Variants in CATSPER1 observed in about 807,000 individuals in gnomAD.
CATSPER1 encodes cation channel sperm-associated protein 1.
Under a neutral mutation model 72.7 loss-of-function variants are expected in CATSPER1, and 57 were observed. The observed-to-expected ratio is 0.78, with a 90% CI of 0.63 to 0.98. The LOEUF (loss-of-function observed/expected upper bound fraction) is 0.98. Among genes scored for constraint, CATSPER1 ranks in the 50% least tolerant of loss-of-function variants. The pLI is 0.00. For missense variants in CATSPER1, 910 were observed against 1,033.9 expected (o/e 0.88, Z 1.64); for synonymous variants, 363 against 403.0 (o/e 0.90, Z 1.19).
intron 1 of CATSPER1, among the ~76,000 whole-genome samples, chr11:66,024,710 C>A (rs1856456822): frequency 6.6e-6 from 1 of 152,186 alleles, no homozygotes; most frequent in Non-Finnish European, 1.5e-5. Context: ...TCAAGCAGCT[C>A]ACAGGTGAGT....
chr11:66,021,912 C>T, intron 2 of CATSPER1, 33 bp from the exon 3 acceptor site: 1 of 1,503,332 alleles, frequency 6.7e-7, no homozygotes, highest in Non-Finnish European at 9.3e-7. Context: ...TCAGAGCTGT[C>T]CCCAGCACCC....
rs753917503 is a variant in CATSPER1 at position 66,021,193 on chromosome 11, CAGA to C, written c.1692-11_1692-9del. 3 of 1,611,234 alleles carry C rather than the reference CAGA, an allele frequency of 1.9e-6. No homozygotes were observed. In the Admixed American group the frequency reaches 5.0e-5, roughly 27 times the overall value. ...TGGACGCTGGTCAGGAAGCTGTGGG[CAGA>C]AGGAGTGGGGACTGAGTCATCGGTG... On this transcript the variant is annotated splice_polypyrimidine_tract_variant and intron_variant, in intron 4 of 11. Transcript: ENST00000312106.
intron 2 of CATSPER1, 23 bp from the exon 3 acceptor site, chr11:66,021,902 T>C: frequency 6.4e-7 from 1 of 1,560,152 alleles, no homozygotes; most frequent in Non-Finnish European, 8.8e-7. Context: ...AGGGGTGCAC[T>C]CAGAGCTGTC....
At chr11:66,024,528 C>T (rs1025611550) in intron 1 of CATSPER1, among the ~76,000 whole-genome samples, 2 of 152,218 alleles carry the variant, frequency 1.3e-5, no homozygotes, top group African/African-American at 2.4e-5. Context: ...GATCCACCCA[C>T]CTCGGCCTCC....
In CATSPER1 at chr11:66,021,080, C is replaced by A. The variant is rs1298846634; in HGVS notation, c.1783+14G>T. 1 of 1,609,440 alleles carries A rather than the reference C, an allele frequency of 6.2e-7. No homozygotes were observed. The highest frequency in any genetic ancestry group is 1.3e-5 in the African/African-American group (1 of 74,884). The stretch of plus-strand genomic sequence containing the variant: ...CCTCAGGCCCCCACCCCAGCCCCTG[C>A]AGCACCAGGATACAGAGGCAGGTAA... On this transcript the variant is annotated intron_variant, in intron 5 of 11. Transcript: ENST00000312106.
rs777461773 is a variant in CATSPER1 at position 66,021,734 on chromosome 11, AAC to A, written c.1543+30_1543+31del. On this transcript the variant is annotated intron_variant, in intron 3 of 11. Coordinates refer to ENST00000312106, the MANE Select transcript of CATSPER1 (RefSeq NM_053054.4). ...CTCGTCCCGAGCCTCCCCCAGACTA[AAC>A]ACACGCAGCCTGGCCCCGGCCGCAC... 1.9e-6 allele frequency: 3 copies of A among 1,612,712 alleles called. No homozygotes were observed. The South Asian group carries it at 3.3e-5, about 18-fold the overall frequency.
intron 1 of CATSPER1, among the ~76,000 whole-genome samples, chr11:66,023,373 A>C (rs1013408399): frequency 2.0e-5 from 3 of 151,484 alleles, no homozygotes; most frequent in African/African-American, 4.8e-5. Flanking sequence ...CAAGGCCATG[A>C]AGTACCACTC....
At chr11:66,017,489 C>A (rs1856262411) in intron 10 of CATSPER1, among the ~76,000 whole-genome samples, 1 of 151,704 alleles carries the variant, frequency 6.6e-6, no homozygotes, top group Non-Finnish European at 1.5e-5. Context: ...CCTCCTTATC[C>A]AGTCACTCAC....
intron 2 of CATSPER1, 39 bp downstream of exon 2, chr11:66,022,810 G>A (rs764618533): frequency 3.7e-6 from 6 of 1,601,152 alleles, no homozygotes; most frequent in African/African-American, 1.3e-5. Context: ...GAAGAGCATC[G>A]GTGGCTTCTC....
Position 66,021,716 on chromosome 11 carries a change from C to T in CATSPER1, c.1543+50G>A, listed in dbSNP as rs201337851. ...CCCCTTCCCCATCCTTCTCTCGTCC[C>T]GAGCCTCCCCCAGACTAAACACACG... On this transcript the variant is annotated intron_variant, in intron 3 of 11. Transcript: ENST00000312106. 81 of 1,613,030 alleles carry T rather than the reference C, an allele frequency of 5.0e-5. No individual in the cohort carries two copies. The East Asian group carries it at 1.7e-3, about 33-fold the overall frequency.
chr11:66,016,772 G>A lies in CATSPER1; in HGVS notation c.*118C>T. 2.5e-6 allele frequency: 3 copies of A among 1,222,376 alleles called. No homozygotes were observed. Among genetic ancestry groups the A allele is most frequent in the Non-Finnish European group, 2.3e-6 (2 of 869,896 alleles). 75.7% of individuals were successfully genotyped at this position (1,222,376 alleles called of 1,614,324 possible). ...CCTCCTGGGGTTTAAAAACTCTGTT[G>A]GGGCCCCTGCTCTGCAGGGCCCGGA... On this transcript the variant is annotated 3_prime_UTR_variant, in exon 12 of 12. Coordinates refer to ENST00000312106, the MANE Select transcript of CATSPER1 (RefSeq NM_053054.4).
Position 66,020,292 on chromosome 11 carries a change from C to T in CATSPER1, c.2064+25G>A. The T allele has an allele frequency of 6.2e-7, 1 of 1,614,088 alleles. No homozygotes were observed. Among genetic ancestry groups the T allele is most frequent in the Non-Finnish European group, 8.5e-7 (1 of 1,179,940 alleles). Reference sequence around the variant, plus strand: ...CACTCCTCCAGCTTCCTGATCTGGTCCACCTGTCCCACCCCACTCGGTACC... The same window carrying T: ...CACTCCTCCAGCTTCCTGATCTGGTTCACCTGTCCCACCCCACTCGGTACC... On this transcript the variant is annotated intron_variant, in intron 8 of 11. Coordinates refer to ENST00000312106, the MANE Select transcript of CATSPER1 (RefSeq NM_053054.4). This position sits in a 1 kb window ranked among gnomAD's most constrained non-coding sequence, Gnocchi z 4.5.
intron 10 of CATSPER1, among the ~76,000 whole-genome samples, chr11:66,018,277 C>T (rs1856281720): frequency 6.6e-6 from 1 of 151,996 alleles, no homozygotes; most frequent in Non-Finnish European, 1.5e-5. Context: ...TTGGGCAGGG[C>T]TCCTGGTGCT....
chr11:66,025,268 CG>C lies in CATSPER1; in HGVS notation c.1111del (p.Arg371AlafsTer59). The C allele has an allele frequency of 6.2e-7, 1 of 1,614,082 alleles. No individual in the cohort carries two copies. Among genetic ancestry groups the C allele is most frequent in the Non-Finnish European group, 8.5e-7 (1 of 1,180,002 alleles). On this transcript the variant is annotated frameshift_variant, in exon 1 of 12. Transcript: ENST00000312106. LOFTEE classifies it high-confidence loss of function. ...HSMTRSSSTI[R>X]SRVTQMSKKV... ...TTTGGACATCTGGGTGACACGTGAG[CG>C]GATTGTGCTGGAGGACCGAGTCATG...
intron 1 of CATSPER1, 53 bp from the exon 2 acceptor site, chr11:66,023,114 C>A: frequency 6.6e-7 from 1 of 1,507,908 alleles, no homozygotes; most frequent in South Asian, 1.1e-5. Flanking sequence ...GACACGAGGT[C>A]CCAGGCACCC....
chr11:66,025,620 C>A lies in CATSPER1; in HGVS notation c.760G>T (p.Gly254Trp), dbSNP rs1220263404. The change falls in exon 1 of 12, where the codon GGG becomes TGG. Residue 254 changes from glycine to tryptophan, a missense_variant. Physicochemically the swap from Gly to Trp is radical, Grantham distance 184. Transcript: ENST00000312106. ...TCAGATATCCCACGCTGGTAGGACC[C>A]CACAGAGGAATGAGGGGAAATGGTC... ...GETISPHSSV[G>W]SYQRGISDYH... 1.1e-5 allele frequency: 18 copies of A among 1,612,452 alleles called. No homozygotes were observed. Among genetic ancestry groups the A allele is most frequent in the Non-Finnish European group, 1.5e-5 (18 of 1,179,396 alleles).
chr11:66,017,193 G>GGGGGCCC lies in CATSPER1; in HGVS notation c.2202-20_2202-19insGGGCCCC. On this transcript the variant is annotated intron_variant, in intron 10 of 11. Transcript: ENST00000312106. Reference sequence around the variant, plus strand: ...CTGCTGCCTGCGGGTGGGCGGGGGGGTCGCAGAGACAGGGGCTGGGCTGAC... The same window carrying GGGGGCCC: ...CTGCTGCCTGCGGGTGGGCGGGGGGGGGGGCCCTCGCAGAGACAGGGGCTGGGCTGAC... The GGGGGCCC allele has an allele frequency of 1.4e-5, 7 of 493,792 alleles. No individual in the cohort carries two copies. The highest frequency in any genetic ancestry group is 2.4e-5 in the Non-Finnish European group (6 of 252,602). The allele number at this position is 493,792 out of a possible 1,614,324, so 30.6% of individuals were successfully genotyped here.
chr11:66,021,677 C>A (rs748472911), intron 3 of CATSPER1, 34 bp from the exon 4 acceptor site: 1 of 1,608,380 alleles, frequency 6.2e-7, no homozygotes, highest in Non-Finnish European at 8.5e-7. Flanking sequence ...CTGGCGGGCT[C>A]CCAACGCCAG....
intron 10 of CATSPER1, 182 bp downstream of exon 10, chr11:66,018,645 C>T: frequency 3.1e-6 from 2 of 641,280 alleles, no homozygotes; most frequent in East Asian, 2.8e-5. Context: ...GTGGCACACA[C>T]ACCTCTGGAT....
Sources: allele counts gnomAD v4.1 joint callset (sites outside exome capture counted in the v4.1 genomes callset), GRCh38; gene constraint gnomAD v4.1.1; non-coding constraint Gnocchi (gnomAD v3.1); transcripts MANE v1.5; gene names NCBI Gene and HGNC (gene_info 2026-07-23, HGNC 2026-07-21).